The following VAPA variants were observed in gnomAD, a reference collection of about 807,000 sequenced individuals.
VAPA encodes vesicle-associated membrane protein-associated protein A.
A neutral mutation model predicts 25.6 loss-of-function variants in VAPA; 6 were observed. The ratio of observed to expected loss-of-function variants is 0.23; its 90% CI spans 0.13 to 0.46. The LOEUF (loss-of-function observed/expected upper bound fraction) is 0.46. Ranked by LOEUF, VAPA falls within the 20% of genes least tolerant of loss-of-function variation. The probability of loss-of-function intolerance (pLI) is 0.99; values close to 1 mark genes in which losing one functional copy is unlikely to be tolerated. For missense variants in VAPA, 244 were observed against 302.1 expected, an observed-to-expected ratio of 0.81 and a Z score of 1.43; for synonymous variants, 112 against 106.2, an observed-to-expected ratio of 1.05 and a Z score of -0.34.
intron 4 of VAPA, among the ~76,000 whole-genome samples, chr18:9,938,847 C>G (rs111703144): frequency 6.6e-6 from 1 of 152,126 alleles, no homozygotes; most frequent in Non-Finnish European, 1.5e-5. Flanking sequence ...CCTCTGTGAA[C>G]TTATGAGCAG....
intron 2 of VAPA, among the ~76,000 whole-genome samples, chr18:9,932,885 G>C (rs1162560540): frequency 6.6e-6 from 1 of 152,068 alleles, no homozygotes; most frequent in Non-Finnish European, 1.5e-5. Context: ...GAGGCGGGTG[G>C]ATCACGACGT....
At chr18:9,923,852 A>G (rs1213450270) in intron 1 of VAPA, 2 of 152,358 alleles carry the variant, frequency 1.3e-5, no homozygotes, top group African/African-American at 2.4e-5. Context: ...TACATGTTTA[A>G]AAGTCCCTTG....
chr18:9,952,032 T>G lies in VAPA; in HGVS notation c.591+1464T>G, dbSNP rs149164023. Among the ~76,000 whole-genome samples, 115 of 152,334 alleles carry G rather than the reference T, an allele frequency of 7.5e-4. 1 individual carries two copies. The highest frequency in any genetic ancestry group is 2.7e-3 in the African/African-American group (113 of 41,588). On this transcript the variant is annotated intron_variant, in intron 5 of 5. Coordinates refer to ENST00000400000, the MANE Select transcript of VAPA (RefSeq NM_194434.3). Reference sequence around the variant, plus strand: ...GCCATGACTTCCATAGTTCTGTTCTTTGATAAAGATGTGCTCCTTAGGGTG... The same window carrying G: ...GCCATGACTTCCATAGTTCTGTTCTGTGATAAAGATGTGCTCCTTAGGGTG...
chr18:9,919,319 A>G (rs2069137791), intron 1 of VAPA, among the ~76,000 whole-genome samples: 1 of 152,222 alleles, frequency 6.6e-6, no homozygotes, highest in African/African-American at 2.4e-5. Flanking sequence ...AAATTCATTT[A>G]TTTTTAAAAT....
At chr18:9,949,222 C>CA (rs1379699199) in intron 4 of VAPA, 2 of 152,112 alleles carry the variant, frequency 1.3e-5, no homozygotes, top group African/African-American at 4.8e-5. Context: ...GAGAAAAACT[C>CA]AGAGAATTGA....
At chr18:9,951,797 G>C (rs2069493053) in intron 5 of VAPA, among the ~76,000 whole-genome samples, 1 of 152,182 alleles carries the variant, frequency 6.6e-6, no homozygotes, top group Non-Finnish European at 1.5e-5. Flanking sequence ...TAAAGGCACT[G>C]TGTTTTAAGT....
intron 4 of VAPA, chr18:9,944,941 G>T (rs1216301042): frequency 1.2e-6 from 2 of 1,614,148 alleles, no homozygotes; most frequent in East Asian, 2.2e-5. Context: ...CTCCACCAGG[G>T]AATGCTCCGA....
chr18:9,916,892 A>G (rs2069116108), intron 1 of VAPA, among the ~76,000 whole-genome samples: 1 of 152,234 alleles, frequency 6.6e-6, no homozygotes, highest in Non-Finnish European at 1.5e-5. Context: ...TGACTCAGGT[A>G]ATCATTCTGA....
intron 4 of VAPA, among the ~76,000 whole-genome samples, chr18:9,937,358 T>G (rs1048134760): frequency 6.6e-6 from 1 of 152,168 alleles, no homozygotes; most frequent in Non-Finnish European, 1.5e-5. Context: ...GCAGGTTCTT[T>G]TTTAGAATGA....
intron 4 of VAPA, among the ~76,000 whole-genome samples, chr18:9,944,343 C>T (rs1187091945): frequency 6.6e-6 from 1 of 151,976 alleles, no homozygotes; most frequent in Admixed American, 6.6e-5. Context: ...GAATCCCTTT[C>T]CCACCTGTTT....
chr18:9,914,494 C>T (rs1281363965), intron 1 of VAPA, 159 bp downstream of exon 1: 3 of 511,982 alleles, frequency 5.9e-6, no homozygotes, highest in Non-Finnish European at 6.4e-6. Flanking sequence ...CTTGCCGCCA[C>T]CTCGGCCGGC....
intron 1 of VAPA, among the ~76,000 whole-genome samples, chr18:9,922,029 G>T (rs1481006229): frequency 6.6e-6 from 1 of 152,148 alleles, no homozygotes; most frequent in Non-Finnish European, 1.5e-5. Context: ...CCAGACTGAA[G>T]TGCAGTGGTG....
chr18:9,945,840 A>G (rs548924259), intron 4 of VAPA, among the ~76,000 whole-genome samples: 3 of 151,256 alleles, frequency 2.0e-5, no homozygotes, highest in East Asian at 3.9e-4. Flanking sequence ...TTAGAGTGGG[A>G]AAAAAAAACT....
chr18:9,927,849 C>T (rs554704928), intron 1 of VAPA, among the ~76,000 whole-genome samples: 1 of 152,112 alleles, frequency 6.6e-6, no homozygotes, highest in African/African-American at 2.4e-5. Context: ...GGCTTAATGG[C>T]AGTGACAGCT....
In VAPA at chr18:9,958,636, T is replaced by C. The variant is rs915339306; in HGVS notation, c.*4425T>C. 2 of 152,190 alleles carry C rather than the reference T, an allele frequency of 1.3e-5. No homozygotes were observed. The highest frequency in any genetic ancestry group is 2.9e-5 in the Non-Finnish European group (2 of 68,020). 9.4% of individuals were successfully genotyped at this position (152,190 alleles called of 1,614,324 possible). ...AATCATCGGCCAGACAGTTGCTTTA[T>C]GTAGGTTTTTAAATGCCAAAGGCAG... On this transcript the variant is annotated 3_prime_UTR_variant, in exon 6 of 6. Coordinates refer to ENST00000400000, the MANE Select transcript of VAPA (RefSeq NM_194434.3).
At chr18:9,930,689 G>GT (rs2069245380) in intron 1 of VAPA, among the ~76,000 whole-genome samples, 1 of 145,866 alleles carries the variant, frequency 6.9e-6, no homozygotes, top group African/African-American at 2.6e-5. Flanking sequence ...TCATATGTAT[G>GT]CTTTTTTTTT....
chr18:9,916,362 G>C (rs139128686), intron 1 of VAPA, among the ~76,000 whole-genome samples: 15 of 152,138 alleles, frequency 9.9e-5, no homozygotes, highest in African/African-American at 3.6e-4. Flanking sequence ...GTATAACAGA[G>C]ACACAACCGT....
At chr18:9,947,810 T>C (rs772625101) in intron 4 of VAPA, 6 of 152,220 alleles carry the variant, frequency 3.9e-5, no homozygotes, top group Non-Finnish European at 7.3e-5. Flanking sequence ...TTACACCTGC[T>C]TAATTTTTTC....
At chr18:9,948,412 TAA>T (rs2069449293) in intron 4 of VAPA, 1 of 152,204 alleles carries the variant, frequency 6.6e-6, no homozygotes, top group Non-Finnish European at 1.5e-5. Context: ...GTAATATAAA[TAA>T]TAGTTTTGTT....
Sources: gnomAD v4.1 joint callset for allele counts (sites outside exome capture counted in the v4.1 genomes callset) on GRCh38, gnomAD v4.1.1 for gene constraint, MANE v1.5 for transcripts, NCBI Gene and HGNC (gene_info 2026-07-23, HGNC 2026-07-21) for gene names.